The following IFT74 variants were observed in gnomAD, a reference collection of about 807,000 sequenced individuals.
IFT74 encodes the protein intraflagellar transport protein 74 homolog.
Under a neutral mutation model 96.7 loss-of-function variants are expected in IFT74, and 92 were observed. The ratio of observed to expected loss-of-function variants is 0.95; its 90% confidence interval spans 0.80 to 1.13. IFT74 has a LOEUF of 1.13. Among genes scored for constraint, IFT74 ranks in the 50% most tolerant of loss-of-function variants. The pLI is 0.00. For missense variants in IFT74, 811 were observed against 698.2 expected (o/e 1.16, Z -1.82); for synonymous variants, 223 against 213.2 (o/e 1.05, Z -0.40).
intron 8 of IFT74, among the ~76,000 whole-genome samples, chr9:27,005,220 C>A (rs1828704513): frequency 6.6e-6 from 1 of 151,622 alleles, no homozygotes; most frequent in African/African-American, 2.4e-5. Context: ...CTTCAATAAT[C>A]ATCAACTCAT....
In IFT74 at chr9:27,025,114, C is replaced by T. The variant is rs145227423; in HGVS notation, c.975-3911C>T. On this transcript the variant is annotated intron_variant, in intron 12 of 19. Transcript: ENST00000380062. ...TATTTGAGGGAATAATCAAGGAAAA[C>T]TTCCCTGGCCTTGCTAGAGATGTAG... is the stretch of plus-strand genomic sequence containing the variant. Among the ~76,000 whole-genome samples the T allele has an allele frequency of 4.6e-3, 706 of 152,110 alleles. 26 individuals are homozygous for T. The highest frequency in any genetic ancestry group is 7.6e-4 in the Non-Finnish European group (52 of 67,996).
At position 27,029,061 on chromosome 9, in the gene IFT74, T is replaced by C. The variant is rs1386821251; in HGVS notation, c.1011T>C (p.Ile337=). 3 of 1,602,354 alleles carry C rather than the reference T, an allele frequency of 1.9e-6. No homozygotes were observed. The highest frequency in any genetic ancestry group is 1.7e-6 in the Non-Finnish European group (2 of 1,174,562). The change falls in exon 13 of 20, where the codon ATT becomes ATC. Residue 337 remains isoleucine, a synonymous_variant. Transcript: ENST00000380062. ...CAAAAGAAAAGATAAATCAGTTTAT[T>C]GAAGAAATTAGACAACTTGACATGG... ...TDTKEKINQF[I]EEIRQLDMDL...
intron 18 of IFT74, among the ~76,000 whole-genome samples, chr9:27,059,263 T>G (rs1820306409): frequency 1.3e-5 from 2 of 152,228 alleles, no homozygotes; most frequent in African/African-American, 4.8e-5. Flanking sequence ...CTTTCACAAT[T>G]ATCTTCTTGA....
At chr9:27,041,930 C>T (rs1819497836) in intron 13 of IFT74, among the ~76,000 whole-genome samples, 1 of 152,100 alleles carries the variant, frequency 6.6e-6, no homozygotes, top group South Asian at 2.1e-4. Context: ...CCCATCTAAT[C>T]CAGCTGGCCA....
At chr9:27,007,075 G>T (rs1828832302) in intron 8 of IFT74, among the ~76,000 whole-genome samples, 3 of 151,928 alleles carry the variant, frequency 2.0e-5, no homozygotes, top group South Asian at 4.2e-4. Context: ...CTGACCTCGT[G>T]ATCTGCCCGC....
chr9:26,952,249 C>T (rs543908283), upstream of IFT74, among the ~76,000 whole-genome samples: 5 of 151,280 alleles, frequency 3.3e-5, no homozygotes, highest in South Asian at 1.0e-3. Context: ...TTATCGTCCC[C>T]TCATTGAAAG....
chr9:27,029,252 G>A (rs1830011299), intron 13 of IFT74, 148 bp downstream of exon 13: 2 of 486,332 alleles, frequency 4.1e-6, no homozygotes, highest in Non-Finnish European at 7.1e-6. Flanking sequence ...AATATATACT[G>A]TATGAGTAAT....
intron 9 of IFT74, among the ~76,000 whole-genome samples, chr9:27,010,330 G>T (rs1033807754): frequency 6.6e-6 from 1 of 151,698 alleles, no homozygotes; most frequent in Non-Finnish European, 1.5e-5. Context: ...TGGCTATTTT[G>T]AAACATACAA....
intron 18 of IFT74, among the ~76,000 whole-genome samples, chr9:27,058,703 A>G (rs981916693): frequency 6.6e-6 from 1 of 152,162 alleles, no homozygotes; most frequent in Non-Finnish European, 1.5e-5. Context: ...TGACATTTCT[A>G]TAGCATTAGC....
chr9:26,947,115 G>T, exon 1 of IFT74: 7 of 1,398,804 alleles, frequency 5.0e-6, no homozygotes, highest in Non-Finnish European at 6.5e-6. Context: ...GACTCGGAGA[G>T]CGCCGGGCCG....
In IFT74 at chr9:27,009,001, T is replaced by G. The variant is rs775708753; in HGVS notation, c.588-19T>G. The G allele has an allele frequency of 3.1e-6, 5 of 1,600,474 alleles. No homozygotes were observed. The African/African-American group carries it at 5.4e-5, about 17-fold the overall frequency. On this transcript the variant is annotated intron_variant, in intron 8 of 19. Transcript: ENST00000380062. ...TTCCTCAATATAGTATCAGGAATATTACGTGCTTCTGATTTTAGGAAAGAA... is the reference window on the plus strand; with the variant it reads ...TTCCTCAATATAGTATCAGGAATATGACGTGCTTCTGATTTTAGGAAAGAA...
chr9:26,996,424 G>A lies in IFT74; in HGVS notation c.587+6229G>A. 2 of 1,606,652 alleles carry A rather than the reference G, an allele frequency of 1.2e-6. No homozygotes were observed. Among genetic ancestry groups the A allele is most frequent in the South Asian group, 2.2e-5 (2 of 90,038 alleles). On this transcript the variant is annotated intron_variant, in intron 8 of 19. Transcript: ENST00000380062. ...TGAAGGAAATTTTGAGTGGCATTCA[G>A]CCTTATGAGGTACTGTTTTGATATT...
At chr9:26,960,916 G>A (rs1209992252) in intron 1 of IFT74, among the ~76,000 whole-genome samples, 1 of 151,464 alleles carries the variant, frequency 6.6e-6, no homozygotes, top group Non-Finnish European at 1.5e-5. Flanking sequence ...GTATCTAGAT[G>A]GAAGTCATCC....
Position 27,047,327 on chromosome 9 carries a change from C to A in IFT74, c.1162C>A (p.Gln388Lys), listed in dbSNP as rs755128297. The change falls in exon 15 of 20, where the codon CAG (glutamine) becomes AAG (lysine). Residue 388 changes from glutamine (Q) to lysine (K), a missense_variant. Physicochemically the swap from Gln to Lys is moderately conservative, Grantham distance 53 (BLOSUM62 1). Coordinates refer to ENST00000380062, the MANE Select transcript of IFT74 (RefSeq NM_025103.4). ...GAATCAGGAACTGAAACGAAAGGCA[C>A]AGATAGAAGCCAACATTGTTGCACT... ...TKNQELKRKA[Q>K]IEANIVALLE... is the part of the protein sequence containing the mutation. The A allele has an allele frequency of 1.1e-5, 18 of 1,613,258 alleles. No homozygotes were observed. The highest frequency in any genetic ancestry group is 1.5e-5 in the Non-Finnish European group (18 of 1,179,460).
intron 8 of IFT74, chr9:26,997,830 G>A (rs756712096): frequency 1.9e-6 from 3 of 1,614,178 alleles, no homozygotes; most frequent in South Asian, 1.1e-5. Flanking sequence ...AGATGAAATA[G>A]TGGTGGTACA....
At chr9:27,001,958 TAAAG>T (rs1828518916) in intron 8 of IFT74, among the ~76,000 whole-genome samples, 1 of 150,764 alleles carries the variant, frequency 6.6e-6, no homozygotes, top group Non-Finnish European at 1.5e-5. Flanking sequence ...TTTTTTTAAA[TAAAG>T]AAAAGAGGTT....
intron 7 of IFT74, among the ~76,000 whole-genome samples, chr9:26,988,995 C>T (rs1330007638): frequency 6.6e-6 from 1 of 152,124 alleles, no homozygotes; most frequent in Non-Finnish European, 1.5e-5. Context: ...TAGGGAGTGC[C>T]ATCTCCATTT....
At chr9:27,014,591 G>A (rs569180703) in intron 10 of IFT74, among the ~76,000 whole-genome samples, 2 of 151,956 alleles carry the variant, frequency 1.3e-5, no homozygotes, top group Non-Finnish European at 2.9e-5. Context: ...TTTAACTTTT[G>A]CCAGATTTCT....
intron 16 of IFT74, among the ~76,000 whole-genome samples, chr9:27,053,822 A>C (rs1820038420): frequency 6.6e-6 from 1 of 152,246 alleles, no homozygotes. Context: ...AAATATCTAC[A>C]GGCTAAAAAC....
Sources: gnomAD v4.1 joint callset for allele counts (sites outside exome capture counted in the v4.1 genomes callset) on GRCh38, gnomAD v4.1.1 for gene constraint, MANE v1.5 for transcripts, NCBI Gene and HGNC (gene_info 2026-07-23, HGNC 2026-07-21) for gene names.